LRRC4C: variants seen among roughly 807,000 people sequenced by gnomAD.
LRRC4C encodes the protein leucine-rich repeat-containing protein 4C.
LRRC4C carries 5 observed loss-of-function variants against 33.6 expected under a neutral mutation model. That is an observed-to-expected ratio of 0.15 (90% confidence interval 0.08 to 0.31). The LOEUF (loss-of-function observed/expected upper bound fraction) is 0.31, where lower values mean the gene tolerates loss of function less well. Ranked by LOEUF, LRRC4C falls within the 10% of genes least tolerant of loss-of-function variation. The probability of loss-of-function intolerance (pLI) is 1.00; values close to 1 mark genes in which losing one functional copy is unlikely to be tolerated. For synonymous variants in LRRC4C, 329 were observed against 302.0 expected (o/e 1.09, Z -0.93); for missense variants, 560 against 796.7 (o/e 0.70, Z 3.58).
intron 3 of LRRC4C, among the ~76,000 whole-genome samples, chr11:40,402,752 A>C (rs1199849790): frequency 1.3e-5 from 2 of 152,152 alleles, no homozygotes; most frequent in Non-Finnish European, 2.9e-5. Flanking sequence ...ATATATACCC[A>C]GAATTTAATA....
chr11:40,325,806 AAAAT>A (rs1476396381), intron 3 of LRRC4C, among the ~76,000 whole-genome samples: 3 of 152,204 alleles, frequency 2.0e-5, no homozygotes, highest in Non-Finnish European at 4.4e-5. Flanking sequence ...TTGGGGTGAT[AAAAT>A]AAATAGCCTT....
rs147370197 is a variant in LRRC4C, at chr11:41,099,144, G to A, written c.-495-165421C>T. On this transcript the variant is annotated intron_variant, in intron 1 of 6. Coordinates refer to ENST00000528697, the MANE Select transcript of LRRC4C (RefSeq NM_001258419.2). ...CCCAAGACTGAACTAGTAAGAAATT[G>A]ACTCCTGGAATAGGCCAATAATGAG... 2.2e-3 allele frequency among the ~76,000 whole-genome samples: 332 copies of A among 151,938 alleles called. 2 individuals are homozygous for A. Among genetic ancestry groups the A allele is most frequent in the Middle Eastern group, 6.8e-3 (2 of 294 alleles).
intron 1 of LRRC4C, among the ~76,000 whole-genome samples, chr11:41,170,273 C>A (rs1046455869): frequency 6.6e-6 from 1 of 152,020 alleles, no homozygotes; most frequent in Non-Finnish European, 1.5e-5. Context: ...TCATATGGAA[C>A]CAAAAAAGAG....
intron 5 of LRRC4C, among the ~76,000 whole-genome samples, chr11:40,215,878 G>GGAC (rs1252362727): frequency 6.6e-5 from 10 of 152,100 alleles, no homozygotes; most frequent in Non-Finnish European, 1.3e-4. Context: ...CTCAAAGAAT[G>GGAC]GACACTCTTT....
At chr11:40,803,289 C>T (rs1402775038) in intron 2 of LRRC4C, among the ~76,000 whole-genome samples, 7 of 152,144 alleles carry the variant, frequency 4.6e-5, no homozygotes, top group African/African-American at 1.7e-4. Context: ...GTCCCCAAGT[C>T]ATATCAAATG....
At chr11:41,069,442 G>T (rs551442957) in intron 1 of LRRC4C, among the ~76,000 whole-genome samples, 1 of 152,224 alleles carries the variant, frequency 6.6e-6, no homozygotes, top group Non-Finnish European at 1.5e-5. Context: ...AGAGAGAAAA[G>T]TATAGTGTAT....
intron 3 of LRRC4C, among the ~76,000 whole-genome samples, chr11:40,456,736 G>A (rs1952149483): frequency 6.6e-6 from 1 of 151,892 alleles, no homozygotes; most frequent in African/African-American, 2.4e-5. Context: ...GCTTGGTATT[G>A]TAAAGATAAT....
At chr11:40,352,736 C>T (rs1265221777) in intron 3 of LRRC4C, among the ~76,000 whole-genome samples, 1 of 152,130 alleles carries the variant, frequency 6.6e-6, no homozygotes, top group African/African-American at 2.4e-5. Context: ...GATTGGAGAA[C>T]TCCCTTTAGC....
At chr11:40,407,874 G>T (rs1396840668) in intron 3 of LRRC4C, among the ~76,000 whole-genome samples, 4 of 151,904 alleles carry the variant, frequency 2.6e-5, no homozygotes, top group African/African-American at 4.8e-5. Flanking sequence ...AGCACGAAAA[G>T]AATTGGCAAA....
chr11:41,116,697 C>T (rs191579741), intron 1 of LRRC4C, among the ~76,000 whole-genome samples: 11 of 152,156 alleles, frequency 7.2e-5, no homozygotes, highest in Non-Finnish European at 1.3e-4. Context: ...TTAAAACCCT[C>T]CATTAATTTG....
chr11:40,669,347 T>G (rs1291776553), intron 2 of LRRC4C, among the ~76,000 whole-genome samples: 1 of 152,238 alleles, frequency 6.6e-6, no homozygotes, highest in East Asian at 1.9e-4. Flanking sequence ...CAAATATTTT[T>G]GCAGTCTTAT....
chr11:41,367,923 T>C (rs1249502349), intron 1 of LRRC4C, among the ~76,000 whole-genome samples: 1 of 152,152 alleles, frequency 6.6e-6, no homozygotes, highest in Non-Finnish European at 1.5e-5. Flanking sequence ...GAAATCCCAG[T>C]AGGACATTCA....
At chr11:40,210,607 C>T (rs186350229) in intron 5 of LRRC4C, among the ~76,000 whole-genome samples, 40 of 152,198 alleles carry the variant, frequency 2.6e-4, no homozygotes, top group African/African-American at 8.2e-4. Context: ...CTATTGAAAT[C>T]GTCTCCTACA....
At chr11:40,307,587 T>G (rs1293576960) in intron 4 of LRRC4C, among the ~76,000 whole-genome samples, 1 of 152,234 alleles carries the variant, frequency 6.6e-6, no homozygotes, top group African/African-American at 2.4e-5. Context: ...CCTTCTGCCA[T>G]GTTGTATAGT....
intron 2 of LRRC4C, among the ~76,000 whole-genome samples, chr11:40,876,266 T>TTG (rs1954883589): frequency 1.4e-5 from 2 of 147,834 alleles, no homozygotes; most frequent in Non-Finnish European, 3.0e-5. Context: ...TAGGGTTTTT[T>TTG]TTTTTTTTTT....
At chr11:40,799,631 G>A (rs999338110) in intron 2 of LRRC4C, among the ~76,000 whole-genome samples, 4 of 152,114 alleles carry the variant, frequency 2.6e-5, no homozygotes, top group South Asian at 2.1e-4. Flanking sequence ...CACCATGCCC[G>A]GCTAATTCTT....
intron 1 of LRRC4C, among the ~76,000 whole-genome samples, chr11:40,973,590 T>C (rs1268097286): frequency 6.6e-6 from 1 of 152,134 alleles, no homozygotes; most frequent in Non-Finnish European, 1.5e-5. Flanking sequence ...TTAGAAAATA[T>C]AATATGGCAA....
chr11:41,010,944 G>T (rs1051368889), intron 1 of LRRC4C, among the ~76,000 whole-genome samples: 1 of 152,144 alleles, frequency 6.6e-6, no homozygotes, highest in Middle Eastern at 3.2e-3. Context: ...CCAAAGGAAG[G>T]TCTCATAAAA....
intron 4 of LRRC4C, among the ~76,000 whole-genome samples, chr11:40,298,879 T>C (rs1944639869): frequency 6.6e-6 from 1 of 151,514 alleles, no homozygotes; most frequent in Non-Finnish European, 1.5e-5. Context: ...ACTCATTCAC[T>C]ATTTTGAAAA....
Sources: allele counts gnomAD v4.1 joint callset (sites outside exome capture counted in the v4.1 genomes callset), GRCh38; gene constraint gnomAD v4.1.1; transcripts MANE v1.5; gene names NCBI Gene and HGNC (gene_info 2026-07-23, HGNC 2026-07-21).